GRID2: variants seen among roughly 807,000 people sequenced by gnomAD.
GRID2 encodes the protein glutamate ionotropic receptor delta type subunit 2.
A neutral mutation model predicts 114.8 loss-of-function variants in GRID2; 33 were observed. The observed-to-expected ratio is 0.29, with a 90% confidence interval of 0.22 to 0.38. The LOEUF is 0.38. Ranked by LOEUF, GRID2 falls within the 10% of genes least tolerant of loss-of-function variation. The pLI is 1.00. For missense variants in GRID2, 1,184 were observed against 1,257.7 expected, an observed-to-expected ratio of 0.94 and a Z score of 0.89; for synonymous variants, 505 against 449.9, an observed-to-expected ratio of 1.12 and a Z score of -1.55.
At chr4:93,741,174 C>CAT (rs376106965) in intron 14 of GRID2, among the ~76,000 whole-genome samples, 1,060 of 41,108 alleles carry the variant, frequency 0.026, 36 homozygotes, top group South Asian at 0.067. Context: ...TATATATATA[C>CAT]ATATATATAT....
At chr4:92,619,127 TTC>T (rs1730148295) in intron 2 of GRID2, among the ~76,000 whole-genome samples, 2 of 151,722 alleles carry the variant, frequency 1.3e-5, no homozygotes, top group African/African-American at 4.8e-5. Context: ...CCAAGGATTA[TTC>T]AGAGCTTGTG....
At chr4:92,306,405 A>G (rs1286974211) in intron 1 of GRID2, among the ~76,000 whole-genome samples, 1 of 152,244 alleles carries the variant, frequency 6.6e-6, no homozygotes, top group African/African-American at 2.4e-5. Context: ...TGAGTGGTTC[A>G]GCAATGTTCT....
intron 4 of GRID2, among the ~76,000 whole-genome samples, chr4:93,193,219 A>G (rs1741158375): frequency 6.6e-6 from 1 of 152,160 alleles, no homozygotes; most frequent in African/African-American, 2.4e-5. Flanking sequence ...TCCCAGAATT[A>G]CAGTTGTCAG....
intron 8 of GRID2, among the ~76,000 whole-genome samples, chr4:93,305,765 A>G (rs1313632098): frequency 6.6e-6 from 1 of 152,184 alleles, no homozygotes; most frequent in Non-Finnish European, 1.5e-5. Context: ...AATAGTTTGG[A>G]TGGTGTATCA....
Position 92,851,537 on chromosome 4 carries a change from C to A in GRID2, c.245-233458C>A, listed in dbSNP as rs182954644. 3.3e-5 allele frequency among the ~76,000 whole-genome samples: 5 copies of A among 151,932 alleles called. No individual in the cohort carries two copies. In the East Asian group the frequency reaches 9.7e-4, roughly 29 times the overall value. On this transcript the variant is annotated intron_variant, in intron 2 of 15. Transcript: ENST00000282020. ...ATAGTTTTTCCTTCTTCTACATAAT[C>A]AGATATTAAGAATCTCAAAAATGTA...
intron 1 of GRID2, among the ~76,000 whole-genome samples, chr4:92,447,256 G>C (rs907960079): frequency 6.6e-6 from 1 of 152,026 alleles, no homozygotes; most frequent in Non-Finnish European, 1.5e-5. Flanking sequence ...CCTTCTATAA[G>C]TGAAAAAAAC....
intron 8 of GRID2, among the ~76,000 whole-genome samples, chr4:93,393,901 G>A (rs1050701337): frequency 1.3e-5 from 2 of 151,940 alleles, no homozygotes; most frequent in African/African-American, 4.8e-5. Flanking sequence ...TGGCAGCTTA[G>A]ACATACTTAC....
intron 2 of GRID2, among the ~76,000 whole-genome samples, chr4:92,854,583 T>C (rs1273712053): frequency 1.3e-5 from 2 of 151,598 alleles, no homozygotes; most frequent in Non-Finnish European, 2.9e-5. Flanking sequence ...GTGTCTGTGT[T>C]TTGAGGATAC....
intron 2 of GRID2, among the ~76,000 whole-genome samples, chr4:92,636,823 G>A (rs1317334687): frequency 6.6e-6 from 1 of 152,032 alleles, no homozygotes; most frequent in African/African-American, 2.4e-5. Flanking sequence ...ACCTGACTGG[G>A]CTTAACTTTT....
At chr4:93,020,318 A>G (rs529392267) in intron 2 of GRID2, among the ~76,000 whole-genome samples, 86 of 152,314 alleles carry the variant, frequency 5.6e-4, no homozygotes, top group African/African-American at 2.0e-3. Context: ...TCAGCCTAAT[A>G]GATGACTTTT....
Position 93,773,146 on chromosome 4 carries a change from T to C in GRID2, c.*648T>C, listed in dbSNP as rs1017892389. The C allele has an allele frequency of 2.6e-5, 4 of 152,188 alleles. No individual in the cohort carries two copies. Among genetic ancestry groups the C allele is most frequent in the African/African-American group, 9.6e-5 (4 of 41,462 alleles). 9.4% of individuals were successfully genotyped at this position (152,188 alleles called of 1,614,324 possible). A position where few individuals can be genotyped will look rare whatever the true frequency, so the allele number is the denominator to read the frequency against. On this transcript the variant is annotated 3_prime_UTR_variant, in exon 16 of 16. Coordinates refer to ENST00000282020, the MANE Select transcript of GRID2 (RefSeq NM_001510.4). ...TGACCTTTATGTGATTGTACAGTAT[T>C]AAAAGTTTTTTCTTATGTACAGTAA...
At chr4:93,125,742 A>G (rs1734207365) in intron 4 of GRID2, among the ~76,000 whole-genome samples, 1 of 152,186 alleles carries the variant, frequency 6.6e-6, no homozygotes, top group Admixed American at 6.6e-5. Flanking sequence ...AAATTATTGT[A>G]ATGAATAAGC....
chr4:93,305,401 G>A (rs140599887), intron 8 of GRID2, among the ~76,000 whole-genome samples: 15 of 152,310 alleles, frequency 9.8e-5, no homozygotes, highest in African/African-American at 3.4e-4. Flanking sequence ...AAGTCCATGG[G>A]TTAGAGGAAA....
intron 2 of GRID2, among the ~76,000 whole-genome samples, chr4:93,051,449 C>G (rs1441349854): frequency 6.6e-6 from 1 of 151,988 alleles, no homozygotes; most frequent in African/African-American, 2.4e-5. Context: ...TCACCTCAGA[C>G]CTAGACAATG....
At chr4:93,429,944 A>T (rs1769243634) in intron 10 of GRID2, among the ~76,000 whole-genome samples, 1 of 152,170 alleles carries the variant, frequency 6.6e-6, no homozygotes, top group African/African-American at 2.4e-5. Context: ...ACTATTTAGT[A>T]ATTATAATGC....
chr4:93,311,088 G>C (rs1402569943), intron 8 of GRID2, among the ~76,000 whole-genome samples: 1 of 152,148 alleles, frequency 6.6e-6, no homozygotes, highest in East Asian at 1.9e-4. Flanking sequence ...TTCTGTTCAA[G>C]ATTGCCAAGG....
chr4:92,566,481 T>A (rs953771058), intron 1 of GRID2, among the ~76,000 whole-genome samples: 2 of 151,994 alleles, frequency 1.3e-5, no homozygotes, highest in African/African-American at 4.8e-5. Context: ...GATCTATTCA[T>A]TCTCCTGTCA....
At chr4:93,678,678 A>C (rs1435741797) in intron 14 of GRID2, among the ~76,000 whole-genome samples, 2 of 152,018 alleles carry the variant, frequency 1.3e-5, no homozygotes, top group Admixed American at 6.5e-5. Context: ...AGCCAAACTA[A>C]GCTTCATAAG....
chr4:93,789,112 A>G (rs1345504037), intron 1 of GRID2, among the ~76,000 whole-genome samples: 2 of 152,236 alleles, frequency 1.3e-5, no homozygotes, highest in African/African-American at 4.8e-5. Flanking sequence ...TAATAGTAAT[A>G]CTGGTGAAAA....
Sources: gnomAD v4.1 joint callset for allele counts (sites outside exome capture counted in the v4.1 genomes callset) on GRCh38, gnomAD v4.1.1 for gene constraint, MANE v1.5 for transcripts, NCBI Gene and HGNC (gene_info 2026-07-23, HGNC 2026-07-21) for gene names.